USP24: variants seen among roughly 807,000 people sequenced by gnomAD.
USP24 encodes ubiquitin carboxyl-terminal hydrolase 24.
A neutral mutation model predicts 361.6 loss-of-function variants in USP24; 97 were observed. The ratio of observed to expected loss-of-function variants is 0.27; its 90% CI spans 0.23 to 0.32. The LOEUF (loss-of-function observed/expected upper bound fraction) is 0.32. USP24 is among the 10% of genes least tolerant of loss of function. The pLI is 1.00. For synonymous variants in USP24, 1,098 were observed against 1,124.6 expected (o/e 0.98, Z 0.47); for missense variants, 2,353 against 3,165.6 (o/e 0.74, Z 6.16).
intron 10 of USP24, among the ~76,000 whole-genome samples, chr1:55,157,895 C>T (rs933724285): frequency 6.6e-6 from 1 of 151,914 alleles, no homozygotes; most frequent in Non-Finnish European, 1.5e-5. Context: ...TGGACCACTG[C>T]TAATTGGCTC....
At chr1:55,121,688 C>T (rs1488256495) in intron 36 of USP24, among the ~76,000 whole-genome samples, 182 bp from the exon 37 acceptor site, 8 of 152,186 alleles carry the variant, frequency 5.3e-5, no homozygotes, top group Admixed American at 4.6e-4. Context: ...CTAAGTTGTT[C>T]AAGAGAAGAA....
At chr1:55,069,971 C>T (rs1380807103) in intron 67 of USP24, among the ~76,000 whole-genome samples, 2 of 149,580 alleles carry the variant, frequency 1.3e-5, no homozygotes, top group South Asian at 2.1e-4. Context: ...TCTGGCTTTT[C>T]TCCTCATACA....
intron 38 of USP24, among the ~76,000 whole-genome samples, chr1:55,116,642 T>A (rs1279999390): frequency 6.6e-6 from 1 of 150,844 alleles, no homozygotes; most frequent in African/African-American, 2.4e-5. Context: ...ATAAATCTAT[T>A]TAGCAAAGAG....
At chr1:55,134,627 C>T (rs1010368629) in intron 28 of USP24, among the ~76,000 whole-genome samples, 14 of 152,102 alleles carry the variant, frequency 9.2e-5, no homozygotes, top group African/African-American at 3.1e-4. Flanking sequence ...ACTTGCTCTC[C>T]CTTCTCCTGG....
intron 50 of USP24, among the ~76,000 whole-genome samples, chr1:55,095,967 A>G (rs1645487047): frequency 6.6e-6 from 1 of 152,218 alleles, no homozygotes; most frequent in African/African-American, 2.4e-5. Context: ...GTCTCCACCA[A>G]ATAGCTTTTT....
chr1:55,193,174 T>C lies in USP24; in HGVS notation c.325-15042A>G, dbSNP rs180953957. Reference sequence around the variant, plus strand: ...ACAACTACTTGCATAGCATTTATATTGTATTAGGTATTATAAGTAATCTAG... The same window carrying C: ...ACAACTACTTGCATAGCATTTATATCGTATTAGGTATTATAAGTAATCTAG... On this transcript the variant is annotated intron_variant, in intron 1 of 67. Coordinates refer to ENST00000294383, the MANE Select transcript of USP24 (RefSeq NM_015306.3). Among the ~76,000 whole-genome samples, 79 of 152,330 alleles carry C rather than the reference T, an allele frequency of 5.2e-4. No homozygotes were observed. In the East Asian group the frequency reaches 8.7e-3, roughly 17 times the overall value.
At position 55,097,952 on chromosome 1, in the gene USP24, A is replaced by G; in HGVS notation, c.5586T>C (p.Cys1862=). 1.3e-6 allele frequency: 2 copies of G among 1,597,016 alleles called. No individual in the cohort carries two copies. The highest frequency in any genetic ancestry group is 1.7e-6 in the Non-Finnish European group (2 of 1,175,582). The change falls in exon 47 of 68, where the codon TGT becomes TGC. Residue 1862 remains cysteine (C), a synonymous_variant. Transcript: ENST00000294383. ...AGGGCAAACATAATACCTTTTCTTT[A>G]CACTTTTCACAGTAGTACGCATTAC... ...EGSNAYYCEK[C]KEKRITVKRT...
intron 1 of USP24, among the ~76,000 whole-genome samples, chr1:55,188,954 A>C (rs1644209464): frequency 7.3e-6 from 1 of 137,268 alleles, no homozygotes; most frequent in South Asian, 2.6e-4. Context: ...ACAAGAGCAA[A>C]ACTCCATCTC....
chr1:55,161,280 G>A (rs767199082), intron 8 of USP24, among the ~76,000 whole-genome samples: 2 of 151,700 alleles, frequency 1.3e-5, no homozygotes, highest in Non-Finnish European at 2.9e-5. Flanking sequence ...GTTGAGGCAG[G>A]AGAATCGCTT....
chr1:55,215,041 T>C lies in USP24; in HGVS notation c.73A>G (p.Lys25Glu). Residue 25 changes from lysine (K) to glutamate (E), a missense_variant, in exon 1 of 68, where the codon AAG (lysine) becomes GAG (glutamate). Lys to Glu is a moderately conservative substitution (Grantham distance 56). Around this residue, in one of 8 missense-constraint regions of USP24, gnomAD observed 253 missense variants for 255.3 expected, o/e 0.99. Coordinates refer to ENST00000294383, the MANE Select transcript of USP24 (RefSeq NM_015306.3). ...TCGTTCTTGGCCAGGCGCAGGGCCTTGCGGATGGTGGCGGGGTCTGAGAAG... is the reference window on the plus strand; with the variant it reads ...TCGTTCTTGGCCAGGCGCAGGGCCTCGCGGATGGTGGCGGGGTCTGAGAAG... Reference protein sequence around the residue: ...MGFSDPATIRKALRLAKNDIN... With the variant: ...MGFSDPATIREALRLAKNDIN... The C allele has an allele frequency of 6.8e-7, 1 of 1,471,306 alleles. No individual in the cohort carries two copies. Among genetic ancestry groups the C allele is most frequent in the South Asian group, 1.3e-5 (1 of 76,124 alleles). 91.1% of individuals were successfully genotyped at this position (1,471,306 alleles called of 1,614,324 possible).
intron 23 of USP24, among the ~76,000 whole-genome samples, chr1:55,142,536 T>C (rs1273340487): frequency 2.0e-5 from 3 of 152,068 alleles, no homozygotes; most frequent in Non-Finnish European, 4.4e-5. Context: ...GGAAGACAGG[T>C]GGTGAGAGGG....
Position 55,172,459 on chromosome 1 carries a change from A to T in USP24, c.620T>A (p.Met207Lys). The T allele has an allele frequency of 6.2e-7, 1 of 1,613,604 alleles. No individual in the cohort carries two copies. Among genetic ancestry groups the T allele is most frequent in the Non-Finnish European group, 8.5e-7 (1 of 1,179,692 alleles). Reference sequence around the variant, plus strand: ...GACCAGTTCTATTAATAGCATCAACATGTTGTAAATTCCTTCATGAATTTC... The same window carrying T: ...GACCAGTTCTATTAATAGCATCAACTTGTTGTAAATTCCTTCATGAATTTC... Reference protein sequence around the residue: ...GTEIHEGIYNMLMLLIELVAE... With the variant: ...GTEIHEGIYNKLMLLIELVAE... Residue 207 changes from methionine to lysine, a missense_variant, in exon 4 of 68, where the codon ATG becomes AAG. Met to Lys is a moderately conservative substitution (Grantham distance 95). Transcript: ENST00000294383.
chr1:55,069,895 A>T (rs2100376054), intron 67 of USP24, among the ~76,000 whole-genome samples: 1 of 149,940 alleles, frequency 6.7e-6, no homozygotes, highest in Non-Finnish European at 1.5e-5. Flanking sequence ...AAAAAAAAAA[A>T]AAAAATCAGA....
chr1:55,069,872 CAAAAAAAAAAAAAA>C (rs11365818), intron 67 of USP24, among the ~76,000 whole-genome samples: 10 of 35,660 alleles, frequency 2.8e-4, no homozygotes, highest in Non-Finnish European at 4.0e-4. Context: ...CACTCCATCT[CAAAAAAAAAAAAAA>C]AAAAAAAAAA....
chr1:55,166,363 C>G (rs932603027), intron 6 of USP24, among the ~76,000 whole-genome samples: 1 of 152,018 alleles, frequency 6.6e-6, no homozygotes. Flanking sequence ...CTGTGGCATA[C>G]TGCAGATAGT....
chr1:55,214,042 T>C (rs2100971135), intron 1 of USP24, among the ~76,000 whole-genome samples: 1 of 151,796 alleles, frequency 6.6e-6, no homozygotes, highest in Middle Eastern at 3.4e-3. Context: ...CCAATTCCAG[T>C]CCCCATCCCT....
chr1:55,170,140 A>G (rs1048270947), intron 5 of USP24, among the ~76,000 whole-genome samples: 3 of 152,204 alleles, frequency 2.0e-5, no homozygotes, highest in Non-Finnish European at 2.9e-5. Flanking sequence ...GATGGGAAAT[A>G]CTACATCATG....
At chr1:55,193,901 G>A (rs1052314648) in intron 1 of USP24, among the ~76,000 whole-genome samples, 2 of 152,042 alleles carry the variant, frequency 1.3e-5, no homozygotes, top group Non-Finnish European at 2.9e-5. Flanking sequence ...CATTAAATGC[G>A]TTCAGACTGA....
At chr1:55,185,828 C>G (rs1644115717) in intron 1 of USP24, among the ~76,000 whole-genome samples, 1 of 151,984 alleles carries the variant, frequency 6.6e-6, no homozygotes, top group Admixed American at 6.6e-5. Flanking sequence ...CTCAGGCTTC[C>G]AAAGTTCTGG....
Sources: gnomAD v4.1 joint callset for allele counts (sites outside exome capture counted in the v4.1 genomes callset) on GRCh38, gnomAD v4.1.1 for gene constraint, gnomAD v4.1.1 regional missense constraint, MANE v1.5 for transcripts, NCBI Gene and HGNC (gene_info 2026-07-23, HGNC 2026-07-21) for gene names.